CHL1: variants seen among roughly 807,000 people sequenced by gnomAD.
CHL1 encodes cell adhesion molecule L1 like.
In CHL1, 96 loss-of-function variants were observed where a neutral mutation model predicts 141.9. The observed-to-expected ratio is 0.68, with a 90% CI of 0.57 to 0.80. The LOEUF is 0.80. CHL1 is among the 30% of genes least tolerant of loss of function. The probability of loss-of-function intolerance (pLI) is 0.00; values close to 1 mark genes in which losing one functional copy is unlikely to be tolerated. For missense variants in CHL1, 1,820 were observed against 1,457.2 expected (o/e 1.25, Z -4.05); for synonymous variants, 613 against 502.2 (o/e 1.22, Z -2.95).
At chr3:386,307 A>G (rs1178737987) in intron 19 of CHL1, among the ~76,000 whole-genome samples, 1 of 151,932 alleles carries the variant, frequency 6.6e-6, no homozygotes, top group South Asian at 2.1e-4. Context: ...TTATTTGTTT[A>G]TGTTTTACAT....
intron 2 of CHL1, among the ~76,000 whole-genome samples, chr3:252,596 T>C (rs989139266): frequency 6.6e-6 from 1 of 151,682 alleles, no homozygotes; most frequent in Non-Finnish European, 1.5e-5. Context: ...TGTATATTTA[T>C]CGAGTGAAAA....
chr3:261,279 T>A (rs1353946883), intron 2 of CHL1, among the ~76,000 whole-genome samples: 2 of 151,134 alleles, frequency 1.3e-5, no homozygotes, highest in African/African-American at 2.4e-5. Flanking sequence ...TGGTCTTTTT[T>A]AAAAAAGAAG....
intron 26 of CHL1, among the ~76,000 whole-genome samples, chr3:399,353 C>T (rs887531447): frequency 6.6e-6 from 1 of 152,128 alleles, no homozygotes; most frequent in Non-Finnish European, 1.5e-5. Flanking sequence ...TTAAAATGGG[C>T]TCTAACTGCC....
intron 1 of CHL1, among the ~76,000 whole-genome samples, chr3:236,477 A>G (rs1398372110): frequency 6.6e-6 from 1 of 152,170 alleles, no homozygotes; most frequent in Non-Finnish European, 1.5e-5. Context: ...TAGCAATGAA[A>G]TGCATATCCT....
At chr3:292,707 C>T (rs1016837566) in intron 2 of CHL1, among the ~76,000 whole-genome samples, 1 of 152,196 alleles carries the variant, frequency 6.6e-6, no homozygotes, top group African/African-American at 2.4e-5. Flanking sequence ...TCTGGGGAAG[C>T]CACAGGGAGC....
intron 1 of CHL1, among the ~76,000 whole-genome samples, chr3:208,229 C>T (rs1325902923): frequency 6.6e-6 from 1 of 152,120 alleles, no homozygotes; most frequent in Non-Finnish European, 1.5e-5. Context: ...GATAAAGGTG[C>T]CAGCTATTAT....
intron 16 of CHL1, among the ~76,000 whole-genome samples, chr3:379,909 GT>G (rs900109259): frequency 5.9e-5 from 9 of 152,018 alleles, no homozygotes; most frequent in Non-Finnish European, 1.0e-4. Flanking sequence ...AAAAGACTAT[GT>G]TTTACCCCCT....
chr3:239,476 A>G (rs1692337225), intron 1 of CHL1, among the ~76,000 whole-genome samples: 1 of 152,008 alleles, frequency 6.6e-6, no homozygotes, highest in African/African-American at 2.4e-5. Context: ...CTCCTGCTCC[A>G]TGAAGCTATG....
intron 13 of CHL1, among the ~76,000 whole-genome samples, chr3:362,766 G>A (rs1007229253): frequency 6.6e-6 from 1 of 152,188 alleles, no homozygotes; most frequent in African/African-American, 2.4e-5. Flanking sequence ...CATGTCCACA[G>A]GACAGGCAAG....
At chr3:370,610 C>G (rs916969988) in intron 15 of CHL1, among the ~76,000 whole-genome samples, 1 of 148,064 alleles carries the variant, frequency 6.8e-6, no homozygotes, top group Non-Finnish European at 1.5e-5. Context: ...TCCTTCAATT[C>G]TGCTCTGATT....
At chr3:337,158 T>G (rs972012362) in intron 5 of CHL1, among the ~76,000 whole-genome samples, 4 of 151,740 alleles carry the variant, frequency 2.6e-5, no homozygotes, top group African/African-American at 9.7e-5. Context: ...TAGACTTGGT[T>G]ATAATGGGAT....
At chr3:376,261 G>A (rs1053852588) in intron 15 of CHL1, 10 of 393,394 alleles carry the variant, frequency 2.5e-5, no homozygotes, top group African/African-American at 4.2e-5. Flanking sequence ...GTGACCCCGT[G>A]TGTGATTTTC....
intron 9 of CHL1, among the ~76,000 whole-genome samples, chr3:346,643 G>A (rs1702792332): frequency 6.6e-6 from 1 of 152,150 alleles, no homozygotes; most frequent in Non-Finnish European, 1.5e-5. Context: ...GTGAGGACAT[G>A]AAAATTCTTG....
At chr3:375,313 G>A (rs1706179595) in intron 15 of CHL1, among the ~76,000 whole-genome samples, 1 of 152,032 alleles carries the variant, frequency 6.6e-6, no homozygotes, top group African/African-American at 2.4e-5. Flanking sequence ...AGTCCTGTGG[G>A]AGAGACCACT....
chr3:198,351 G>A (rs1575584819), intron 1 of CHL1, among the ~76,000 whole-genome samples: 1 of 151,856 alleles, frequency 6.6e-6, no homozygotes, highest in South Asian at 2.1e-4. Flanking sequence ...GTGCGCGAGG[G>A]CGCGCTCCCG....
intron 12 of CHL1, 136 bp from the exon 13 acceptor site, chr3:361,563 T>A: frequency 1.7e-6 from 1 of 595,334 alleles, no homozygotes; most frequent in Admixed American, 2.8e-5. Context: ...TTGGGATACT[T>A]CTATAATTCA....
chr3:344,375 C>A (rs959626585), intron 8 of CHL1, among the ~76,000 whole-genome samples: 1 of 151,708 alleles, frequency 6.6e-6, no homozygotes, highest in African/African-American at 2.4e-5. Context: ...TGCAGTGCTA[C>A]GCTCAGTAAA....
chr3:318,513 C>T (rs964524122), intron 2 of CHL1, among the ~76,000 whole-genome samples: 2 of 151,512 alleles, frequency 1.3e-5, no homozygotes, highest in African/African-American at 2.4e-5. Context: ...AATGTTTAGA[C>T]ATCTATTAAC....
chr3:250,933 G>A (rs1320899707), intron 2 of CHL1, among the ~76,000 whole-genome samples: 1 of 152,072 alleles, frequency 6.6e-6, no homozygotes, highest in Non-Finnish European at 1.5e-5. Flanking sequence ...TTGTGTGGCT[G>A]TTAAGAGCCA....
Sources: gnomAD v4.1 joint callset for allele counts (sites outside exome capture counted in the v4.1 genomes callset) on GRCh38, gnomAD v4.1.1 for gene constraint, MANE v1.5 for transcripts, NCBI Gene and HGNC (gene_info 2026-07-23, HGNC 2026-07-21) for gene names.